The following GALNT18 variants were observed in gnomAD, a reference collection of about 807,000 sequenced individuals.
GALNT18 encodes the protein GalNAc-transferase 18.
GALNT18 carries 44 observed loss-of-function variants against 69.5 expected under a neutral mutation model. The ratio of observed to expected loss-of-function variants is 0.63; its 90% confidence interval spans 0.50 to 0.81. The LOEUF (loss-of-function observed/expected upper bound fraction) is 0.81, where lower values mean the gene tolerates loss of function less well. Ranked by LOEUF, GALNT18 falls within the 40% of genes least tolerant of loss-of-function variation. The pLI is 0.00. For missense variants in GALNT18, 715 were observed against 810.0 expected (o/e 0.88, Z 1.42); for synonymous variants, 364 against 318.2 (o/e 1.14, Z -1.53).
At chr11:11,419,291 C>T (rs1232684244) in intron 3 of GALNT18, among the ~76,000 whole-genome samples, 1 of 152,050 alleles carries the variant, frequency 6.6e-6, no homozygotes, top group African/African-American at 2.4e-5. Context: ...CTGTTTCAAT[C>T]CTTTATTAGA....
intron 3 of GALNT18, among the ~76,000 whole-genome samples, chr11:11,385,532 T>C (rs1342005859): frequency 1.3e-5 from 2 of 152,120 alleles, no homozygotes; most frequent in East Asian, 1.9e-4. Context: ...CCTGACCTTG[T>C]GATCTGCCCG....
At chr11:11,440,956 G>A (rs1213778513) in intron 2 of GALNT18, among the ~76,000 whole-genome samples, 4 of 152,170 alleles carry the variant, frequency 2.6e-5, no homozygotes, top group Non-Finnish European at 5.9e-5. Flanking sequence ...ACCTGGCCTC[G>A]GAAAGTGGGG....
chr11:11,428,783 T>G (rs922682863), intron 3 of GALNT18, among the ~76,000 whole-genome samples: 15 of 152,136 alleles, frequency 9.9e-5, no homozygotes, highest in Non-Finnish European at 1.9e-4. Flanking sequence ...TAGAACACAA[T>G]AAAATACAAT....
intron 3 of GALNT18, among the ~76,000 whole-genome samples, chr11:11,420,881 G>A (rs1157649142): frequency 6.6e-6 from 1 of 152,054 alleles, no homozygotes; most frequent in Admixed American, 6.5e-5. Context: ...TTTCCCTGTT[G>A]ACAGATGATC....
intron 1 of GALNT18, among the ~76,000 whole-genome samples, chr11:11,521,549 C>T (rs1218504908): frequency 6.6e-6 from 1 of 152,158 alleles, no homozygotes; most frequent in Admixed American, 6.5e-5. Flanking sequence ...CTGATTACAC[C>T]ACGGAAGAAA....
chr11:11,342,024 G>T (rs1850218228), intron 6 of GALNT18, among the ~76,000 whole-genome samples: 1 of 151,570 alleles, frequency 6.6e-6, no homozygotes, highest in Non-Finnish European at 1.5e-5. Flanking sequence ...TGGAGTCTTT[G>T]CTCGATATTC....
At chr11:11,571,330 G>T (rs1185276404) in intron 1 of GALNT18, among the ~76,000 whole-genome samples, 1 of 152,228 alleles carries the variant, frequency 6.6e-6, no homozygotes, top group Non-Finnish European at 1.5e-5. Context: ...CCCTGACTTT[G>T]TGTGGTGGAA....
chr11:11,590,503 CAGA>C lies in GALNT18; in HGVS notation c.235+30853_235+30855del, dbSNP rs1361418170. ...CTACCTATATTAGGCACCAACCAAT[CAGA>C]AGGACACTGGCTGTTCTGCTGCATC... is the stretch of plus-strand genomic sequence containing the variant. On this transcript the variant is annotated intron_variant, in intron 1 of 10. Coordinates refer to ENST00000227756, the MANE Select transcript of GALNT18 (RefSeq NM_198516.3). This position sits in a 1 kb window ranked among gnomAD's most constrained non-coding sequence, Gnocchi z 4.4. Among the ~76,000 whole-genome samples the C allele has an allele frequency of 1.3e-5, 2 of 152,178 alleles. No homozygotes were observed. Among genetic ancestry groups the C allele is most frequent in the African/African-American group, 4.8e-5 (2 of 41,440 alleles).
rs1465948125 is a variant in GALNT18, at chr11:11,404,044, G to C, written c.596-24780C>G. On this transcript the variant is annotated intron_variant, in intron 3 of 10. Coordinates refer to ENST00000227756, the MANE Select transcript of GALNT18 (RefSeq NM_198516.3). This position sits in a 1 kb window ranked among gnomAD's most constrained non-coding sequence, Gnocchi z 4.5. ...GATCCAGGCAGCCTGGCTCTTCTGA[G>C]GGAGCTGTGCCCAGAGATACCAGGC... is the stretch of plus-strand genomic sequence containing the variant. Among the ~76,000 whole-genome samples, 1 of 152,210 alleles carries C rather than the reference G, an allele frequency of 6.6e-6. No homozygotes were observed. Among genetic ancestry groups the C allele is most frequent in the Non-Finnish European group, 1.5e-5 (1 of 68,030 alleles).
chr11:11,376,393 C>CAA (rs1350775710), intron 5 of GALNT18, among the ~76,000 whole-genome samples: 1 of 151,942 alleles, frequency 6.6e-6, no homozygotes, highest in African/African-American at 2.4e-5. Flanking sequence ...AAAACAAAAA[C>CAA]AAACACAGAC....
At chr11:11,394,621 T>TC in intron 3 of GALNT18, among the ~76,000 whole-genome samples, 1 of 152,242 alleles carries the variant, frequency 6.6e-6, no homozygotes, top group East Asian at 1.9e-4. Context: ...TTATGTTGTT[T>TC]CCCCCCAAAT....
intron 6 of GALNT18, chr11:11,352,131 T>A (rs1850421456): frequency 6.2e-7 from 1 of 1,612,992 alleles, no homozygotes; most frequent in South Asian, 1.1e-5. Context: ...TCGAGCCTGG[T>A]CCTTCACAAC....
chr11:11,507,741 T>C (rs562653269), intron 1 of GALNT18, among the ~76,000 whole-genome samples: 99 of 152,310 alleles, frequency 6.5e-4, no homozygotes, highest in Admixed American at 1.7e-3. Flanking sequence ...TGTGAGGGCA[T>C]TGCCAAAGGA....
rs925576560 is a variant in GALNT18 at position 11,480,415 on chromosome 11, G to A, written c.236-31479C>T. Reference sequence around the variant, plus strand: ...GAAATCTATTCATTCTCAGTTATCTGTCCATCTTCCTCTGGCCTAATGGTC... The same window carrying A: ...GAAATCTATTCATTCTCAGTTATCTATCCATCTTCCTCTGGCCTAATGGTC... On this transcript the variant is annotated intron_variant, in intron 1 of 10. Transcript: ENST00000227756. This position sits in a 1 kb window ranked among gnomAD's most constrained non-coding sequence, Gnocchi z 4.6. Among the ~76,000 whole-genome samples, 1 of 152,080 alleles carries A rather than the reference G, an allele frequency of 6.6e-6. No individual in the cohort carries two copies. Among genetic ancestry groups the A allele is most frequent in the African/African-American group, 2.4e-5 (1 of 41,396 alleles).
In GALNT18 at chr11:11,619,345, G is replaced by A. The variant is rs796376773; in HGVS notation, c.235+2014C>T. The stretch of plus-strand genomic sequence containing the variant: ...TCTCCAATTTTTCAGGTATAGATTT[G>A]AAAGTGCTGAACAACACATAGTTAT... On this transcript the variant is annotated intron_variant, in intron 1 of 10. Transcript: ENST00000227756. This position sits in a 1 kb window ranked among gnomAD's most constrained non-coding sequence, Gnocchi z 4.9. Among the ~76,000 whole-genome samples the A allele has an allele frequency of 2.0e-4, 31 of 152,108 alleles. No individual in the cohort carries two copies. The highest frequency in any genetic ancestry group is 6.8e-4 in the African/African-American group (28 of 41,412).
rs571901154 is a variant in GALNT18 at position 11,436,017 on chromosome 11, C to A, written c.429-3230G>T. On this transcript the variant is annotated intron_variant, in intron 2 of 10. Transcript: ENST00000227756. The surrounding 1 kb of genome is among the most constrained non-coding windows in gnomAD (Gnocchi z 4.5). ...GCCGCTGTGGCCTCTCTCTCGGCAT[C>A]AGGAGACACCTTTCCTCAGCCTTCA... Among the ~76,000 whole-genome samples the A allele has an allele frequency of 6.6e-5, 10 of 152,368 alleles. No homozygotes were observed. Among genetic ancestry groups the A allele is most frequent in the African/African-American group, 2.2e-4 (9 of 41,588 alleles).
chr11:11,585,196 T>C (rs1590119165), intron 1 of GALNT18, among the ~76,000 whole-genome samples: 2 of 152,302 alleles, frequency 1.3e-5, no homozygotes, highest in East Asian at 3.9e-4. Context: ...TAACAGAATA[T>C]AAAACATTTA....
chr11:11,516,705 C>T (rs951936944), intron 1 of GALNT18, among the ~76,000 whole-genome samples: 2 of 152,132 alleles, frequency 1.3e-5, no homozygotes, highest in African/African-American at 4.8e-5. Flanking sequence ...TTAATAAGAC[C>T]CATGCTGCAG....
Position 11,347,933 on chromosome 11 carries a change from A to G in GALNT18, c.1093-6929T>C, listed in dbSNP as rs551876842. On this transcript the variant is annotated intron_variant, in intron 6 of 10. Coordinates refer to ENST00000227756, the MANE Select transcript of GALNT18 (RefSeq NM_198516.3). The surrounding 1 kb of genome is among the most constrained non-coding windows in gnomAD (Gnocchi z 4.0). ...GAGGGCTGGGGAGAGCTGGCAGAAGACCAGAAAGTCACTCGCAGAGTGGCT... is the reference window on the plus strand; with the variant it reads ...GAGGGCTGGGGAGAGCTGGCAGAAGGCCAGAAAGTCACTCGCAGAGTGGCT... 1.3e-5 allele frequency among the ~76,000 whole-genome samples: 2 copies of G among 152,264 alleles called. No individual in the cohort carries two copies. Among genetic ancestry groups the G allele is most frequent in the South Asian group, 4.2e-4 (2 of 4,814 alleles).
Sources: allele counts gnomAD v4.1 joint callset (sites outside exome capture counted in the v4.1 genomes callset), GRCh38; gene constraint gnomAD v4.1.1; non-coding constraint Gnocchi (gnomAD v3.1); transcripts MANE v1.5; gene names NCBI Gene and HGNC (gene_info 2026-07-23, HGNC 2026-07-21).